DDX10: variants seen among roughly 807,000 people sequenced by gnomAD.
The protein encoded by DDX10 is DEAD-box helicase 10.
Under a neutral mutation model 104.3 loss-of-function variants are expected in DDX10, and 74 were observed. The observed-to-expected ratio is 0.71, with a 90% CI of 0.59 to 0.86. The LOEUF (loss-of-function observed/expected upper bound fraction) is 0.86, where lower values mean the gene tolerates loss of function less well. Among genes scored for constraint, DDX10 ranks in the 40% least tolerant of loss-of-function variants. The pLI, the probability that DDX10 is intolerant of heterozygous loss-of-function variation, is 0.00. For missense variants in DDX10, 952 were observed against 1,040.0 expected, an observed-to-expected ratio of 0.92 and a Z score of 1.16; for synonymous variants, 351 against 353.4, an observed-to-expected ratio of 0.99 and a Z score of 0.08.
intron 1 of DDX10, among the ~76,000 whole-genome samples, chr11:108,670,692 T>C (rs949914408): frequency 1.2e-4 from 19 of 152,310 alleles, no homozygotes; most frequent in African/African-American, 4.3e-4. Flanking sequence ...TTGAGCTAGC[T>C]GTGTTAGTTC....
At chr11:108,669,900 G>A (rs919224664) in intron 1 of DDX10, among the ~76,000 whole-genome samples, 1 of 152,160 alleles carries the variant, frequency 6.6e-6, no homozygotes, top group Non-Finnish European at 1.5e-5. Flanking sequence ...TGGAAAAGGC[G>A]GGGAAATGGA....
At chr11:108,841,075 C>G (rs904078759) in intron 14 of DDX10, among the ~76,000 whole-genome samples, 1 of 152,184 alleles carries the variant, frequency 6.6e-6, no homozygotes. Flanking sequence ...CCTTCTCTTC[C>G]AAATTATTTG....
chr11:108,900,832 G>A (rs994497126), intron 16 of DDX10, among the ~76,000 whole-genome samples: 2 of 152,130 alleles, frequency 1.3e-5, no homozygotes, highest in East Asian at 1.9e-4. Flanking sequence ...GTCTCTGCTC[G>A]AAAGAAGGGT....
intron 16 of DDX10, among the ~76,000 whole-genome samples, chr11:108,904,484 A>C (rs758932272): frequency 1.3e-5 from 2 of 152,202 alleles, no homozygotes; most frequent in East Asian, 3.8e-4. Context: ...AATTCATTCA[A>C]TTCATTTCTG....
rs565521618 is a variant in DDX10 at position 108,877,087 on chromosome 11, A to G, written c.2304+24878A>G. Among the ~76,000 whole-genome samples the G allele has an allele frequency of 2.8e-4, 43 of 152,340 alleles. No individual in the cohort carries two copies. The South Asian group carries it at 8.7e-3, about 31-fold the overall frequency. ...GTTGTCTTCATAAACAATCAAAAAT[A>G]TTCTGGAAAATTCAAAACTCTGAAT... On this transcript the variant is annotated intron_variant, in intron 16 of 17. Transcript: ENST00000322536.
At chr11:108,751,761 C>A (rs1462467123) in intron 13 of DDX10, among the ~76,000 whole-genome samples, 1 of 152,116 alleles carries the variant, frequency 6.6e-6, no homozygotes, top group Non-Finnish European at 1.5e-5. Context: ...TTCACATCTC[C>A]CATTATCTTT....
chr11:108,865,085 C>T (rs1043218080), intron 16 of DDX10, among the ~76,000 whole-genome samples: 6 of 152,142 alleles, frequency 3.9e-5, no homozygotes, highest in South Asian at 2.1e-4. Flanking sequence ...TTCTCCTTGA[C>T]GGGTATACCT....
intron 13 of DDX10, among the ~76,000 whole-genome samples, chr11:108,800,121 CTTA>C (rs1565282218): frequency 6.6e-6 from 1 of 151,662 alleles, no homozygotes; most frequent in Non-Finnish European, 1.5e-5. Context: ...CCTTTCCTTA[CTTA>C]TTTTTACATT....
At chr11:108,751,357 T>A (rs1464690553) in intron 13 of DDX10, among the ~76,000 whole-genome samples, 1 of 152,190 alleles carries the variant, frequency 6.6e-6, no homozygotes, top group East Asian at 1.9e-4. Context: ...ATTTTTACTT[T>A]ATTTACAAGA....
chr11:108,693,626 C>G (rs766986030), intron 9 of DDX10, 26 bp downstream of exon 9: 7 of 1,504,460 alleles, frequency 4.7e-6, no homozygotes, highest in Non-Finnish European at 6.5e-6. Context: ...AATTTCTTTT[C>G]TTTTGCTACT....
intron 16 of DDX10, among the ~76,000 whole-genome samples, chr11:108,863,061 T>C (rs1393260213): frequency 1.3e-5 from 2 of 152,216 alleles, no homozygotes; most frequent in Non-Finnish European, 2.9e-5. Flanking sequence ...TTACCATAGA[T>C]TCTGGTTATT....
chr11:108,813,047 T>C lies in DDX10; in HGVS notation c.1966-25399T>C, dbSNP rs1425715462. 2.0e-5 allele frequency among the ~76,000 whole-genome samples: 3 copies of C among 150,938 alleles called. No homozygotes were observed. In the East Asian group the frequency reaches 5.9e-4, roughly 29 times the overall value. On this transcript the variant is annotated intron_variant, in intron 13 of 17. Transcript: ENST00000322536. ...TTGTACCAAGTTGTTCCTAAATTGG[T>C]ACAGAATTCATGATGCATGTTTTTG... is the stretch of plus-strand genomic sequence containing the variant.
chr11:108,706,068 T>C (rs1336096110), intron 9 of DDX10, among the ~76,000 whole-genome samples: 1 of 152,050 alleles, frequency 6.6e-6, no homozygotes, highest in Non-Finnish European at 1.5e-5. Flanking sequence ...ATCTCCTGGG[T>C]TGAAGCAATT....
chr11:108,673,558 T>A (rs560286782), intron 2 of DDX10, 31 bp downstream of exon 2: 1 of 1,475,014 alleles, frequency 6.8e-7, no homozygotes, highest in Non-Finnish European at 9.4e-7. Flanking sequence ...GGATGTGTTA[T>A]TGGATTTCTT....
At chr11:108,910,240 G>A (rs1863650792) in intron 16 of DDX10, among the ~76,000 whole-genome samples, 1 of 152,190 alleles carries the variant, frequency 6.6e-6, no homozygotes, top group African/African-American at 2.4e-5. Context: ...TTTTAATGAT[G>A]AGATTTGAGA....
At chr11:108,770,343 A>G (rs2094361385) in intron 13 of DDX10, among the ~76,000 whole-genome samples, 1 of 152,142 alleles carries the variant, frequency 6.6e-6, no homozygotes, top group African/African-American at 2.4e-5. Flanking sequence ...ATTACTATTC[A>G]CTATAGTCAC....
chr11:108,772,559 A>G (rs1433259869), intron 13 of DDX10, among the ~76,000 whole-genome samples: 2 of 152,220 alleles, frequency 1.3e-5, no homozygotes, highest in African/African-American at 4.8e-5. Context: ...TGTTAGCAAC[A>G]CTTGGATTTT....
At chr11:108,796,413 T>G (rs1861942387) in intron 13 of DDX10, among the ~76,000 whole-genome samples, 1 of 152,212 alleles carries the variant, frequency 6.6e-6, no homozygotes, top group Non-Finnish European at 1.5e-5. Context: ...TTTCTTCCAC[T>G]GAGTCTTGAA....
At chr11:108,691,054 A>C (rs112415747) in intron 7 of DDX10, 3 of 152,388 alleles carry the variant, frequency 2.0e-5, no homozygotes, top group African/African-American at 7.2e-5. Context: ...TCCCAGAATC[A>C]GAACCTCCCT....
Sources: gnomAD v4.1 joint callset for allele counts (sites outside exome capture counted in the v4.1 genomes callset) on GRCh38, gnomAD v4.1.1 for gene constraint, MANE v1.5 for transcripts, NCBI Gene and HGNC (gene_info 2026-07-23, HGNC 2026-07-21) for gene names.